MEAK7: variants seen among roughly 807,000 people sequenced by gnomAD.
The protein encoded by MEAK7 is MTOR-associated protein MEAK7.
A neutral mutation model predicts 40.5 loss-of-function variants in MEAK7; 68 were observed. The ratio of observed to expected loss-of-function variants is 1.68; its 90% CI spans 1.38 to 2.06. The LOEUF (loss-of-function observed/expected upper bound fraction) is 2.06. Among genes scored for constraint, MEAK7 ranks in the 30% most tolerant of loss-of-function variants. The pLI, the probability that MEAK7 is intolerant of heterozygous loss-of-function variation, is 0.00. For synonymous variants in MEAK7, 338 were observed against 231.9 expected (o/e 1.46, Z -4.16); for missense variants, 918 against 580.5 (o/e 1.58, Z -5.98).
intron 2 of MEAK7, among the ~76,000 whole-genome samples, 169 bp from the exon 3 acceptor site, chr16:84,496,082 G>T (rs924814546): frequency 6.6e-6 from 1 of 152,150 alleles, no homozygotes; most frequent in African/African-American, 2.4e-5. Flanking sequence ...TTAGAGCCAG[G>T]CCGGAAACTT....
chr16:84,487,091 G>T (rs747591895), intron 4 of MEAK7, 32 bp from the exon 5 acceptor site: 2 of 1,577,766 alleles, frequency 1.3e-6, no homozygotes, highest in Non-Finnish European at 1.7e-6. Flanking sequence ...CATTAGTGGG[G>T]CTGTTATGTC....
Position 84,486,763 on chromosome 16 carries a change from C to T in MEAK7, c.826G>A (p.Gly276Arg), listed in dbSNP as rs771345170. The change falls in exon 5 of 8, where the codon GGA (glycine) becomes AGA (arginine). Residue 276 changes from glycine to arginine, a missense_variant. Transcript: ENST00000343629. Reference protein sequence around the residue: ...WCLLFSSELHGHSFSQLCGHI... With the variant: ...WCLLFSSELHRHSFSQLCGHI... ...CCACAGAGCTGGGAGAAGCTGTGTC[C>T]ATGGAGCTCAGACGAAAAGAGCAGG... 1.2e-6 allele frequency: 2 copies of T among 1,613,896 alleles called. No homozygotes were observed. Among genetic ancestry groups the T allele is most frequent in the African/African-American group, 2.7e-5 (2 of 74,910 alleles).
rs142173190 is a variant in MEAK7 at position 84,498,210 on chromosome 16, T to C, written c.-25-99A>G. ...ATGGTCAAGTTAATATATACTGATA[T>C]AGCCACAAAATGTAGCTAAAACACA... is the stretch of plus-strand genomic sequence containing the variant. On this transcript the variant is annotated intron_variant, in intron 1 of 7. Transcript: ENST00000343629. 780 of 1,378,338 alleles carry C rather than the reference T, an allele frequency of 5.7e-4. 5 individuals are homozygous for C. The African/African-American group carries it at 9.3e-3, about 17-fold the overall frequency. 85.4% of individuals were successfully genotyped at this position (1,378,338 alleles called of 1,614,324 possible).
At chr16:84,491,931 G>C (rs9939156) in intron 3 of MEAK7, among the ~76,000 whole-genome samples, 4,504 of 151,984 alleles carry the variant, frequency 0.03, 261 homozygotes, top group African/African-American at 0.1. Flanking sequence ...TGTTTTTAAA[G>C]TCCTTTTGCT....
intron 5 of MEAK7, among the ~76,000 whole-genome samples, chr16:84,485,750 T>G (rs912435870): frequency 6.6e-6 from 1 of 152,224 alleles, no homozygotes; most frequent in African/African-American, 2.4e-5. Context: ...TGGTATGATC[T>G]CGGCTCACTG....
chr16:84,488,397 C>A (rs1302603331), intron 4 of MEAK7: 1 of 151,342 alleles, frequency 6.6e-6, no homozygotes, highest in East Asian at 1.9e-4. Flanking sequence ...TAAAGTAAGT[C>A]TGCTTTGCAA....
Position 84,482,702 on chromosome 16 carries a change from T to C in MEAK7, c.967A>G (p.Arg323Gly). ...GGGCAGATGGAGAACAGGAAGCATC[T>C]GTTGTCCCCTGAAAGTAGCCAGAGA... The part of the protein sequence containing the change: ...EVKPQFQGDN[R>G]CFLFSICPSM... Residue 323 changes from arginine (R) to glycine (G), a missense_variant, in exon 6 of 8, where the codon AGA becomes GGA. By Grantham distance (125) the Arg-to-Gly change is moderately radical. Transcript: ENST00000343629. 2 of 1,614,164 alleles carry C rather than the reference T, an allele frequency of 1.2e-6. No homozygotes were observed. The highest frequency in any genetic ancestry group is 1.7e-6 in the Non-Finnish European group (2 of 1,180,006).
At chr16:84,497,622 A>G in intron 2 of MEAK7, 1 of 1,359,204 alleles carries the variant, frequency 7.4e-7, no homozygotes, top group Non-Finnish European at 9.7e-7. Context: ...CGTGTGAATC[A>G]TTCATTATCT....
rs58731617 is a variant in MEAK7 at position 84,497,891 on chromosome 16, C to G, written c.153+43G>C. On this transcript the variant is annotated intron_variant, in intron 2 of 7. Coordinates refer to ENST00000343629, the MANE Select transcript of MEAK7 (RefSeq NM_020947.4). ...GGCCTGAAAGCCACAGTTTGCAGAC[C>G]CCTGCTCCCAACTAAACATGAACCA... The G allele has an allele frequency of 3.1e-3, 5,019 of 1,612,780 alleles. 100 individuals carry two copies. In the African/African-American group the frequency reaches 0.046, roughly 15 times the overall value.
chr16:84,487,414 C>G (rs189374723), intron 4 of MEAK7: 32 of 206,354 alleles, frequency 1.6e-4, no homozygotes, highest in African/African-American at 7.4e-4. Flanking sequence ...TTGGCCAGCA[C>G]TGATCTAAAC....
rs1912121620 is a variant in MEAK7, at chr16:84,476,593, C to A, written c.*3320G>T. 6.6e-6 allele frequency: 1 copy of A among 152,142 alleles called. No individual in the cohort carries two copies. The highest frequency in any genetic ancestry group is 1.5e-5 in the Non-Finnish European group (1 of 68,042). 9.4% of individuals were successfully genotyped at this position (152,142 alleles called of 1,614,324 possible). Reference sequence around the variant, plus strand: ...ATGATTAGCTGCAAACAAAATGTTCCCCAGCTGCAGACGGTGGAACGCTAG... The same window carrying A: ...ATGATTAGCTGCAAACAAAATGTTCACCAGCTGCAGACGGTGGAACGCTAG... On this transcript the variant is annotated 3_prime_UTR_variant, in exon 8 of 8. Transcript: ENST00000343629.
At chr16:84,481,670 A>C (rs532644939) in intron 6 of MEAK7, among the ~76,000 whole-genome samples, 21 of 152,314 alleles carry the variant, frequency 1.4e-4, no homozygotes, top group East Asian at 5.8e-4. Flanking sequence ...GCAGTGGCTC[A>C]CGCCTGTAAT....
chr16:84,501,862 G>A (rs1914532012), intron 1 of MEAK7, among the ~76,000 whole-genome samples: 1 of 152,174 alleles, frequency 6.6e-6, no homozygotes, highest in Admixed American at 6.5e-5. Flanking sequence ...ATAAAGAAAT[G>A]GCAATGGTGT....
chr16:84,486,883 C>T lies in MEAK7; in HGVS notation c.706G>A (p.Val236Met), dbSNP rs539729125. 10 of 1,614,212 alleles carry T rather than the reference C, an allele frequency of 6.2e-6. No individual in the cohort carries two copies. In the South Asian group the frequency reaches 8.8e-5, roughly 14 times the overall value. The change falls in exon 5 of 8, where the codon GTG becomes ATG. Residue 236 changes from valine to methionine, a missense_variant. Coordinates refer to ENST00000343629, the MANE Select transcript of MEAK7 (RefSeq NM_020947.4). ...DLTTLVPERQ[V>M]DQGRGFESIL... Reference sequence around the variant, plus strand: ...CTCTCAAAACCCCTGCCCTGGTCCACTTGACGCTCAGGGACCAGGGTAGTC... The same window carrying T: ...CTCTCAAAACCCCTGCCCTGGTCCATTTGACGCTCAGGGACCAGGGTAGTC...
chr16:84,495,465 T>A, intron 3 of MEAK7: 1 of 567,508 alleles, frequency 1.8e-6, no homozygotes, highest in Non-Finnish European at 3.1e-6. Context: ...CTTTTCCGCT[T>A]TAAGTCCTGA....
chr16:84,485,639 T>TATCTATCC (rs71151220), intron 5 of MEAK7, among the ~76,000 whole-genome samples: 60,716 of 149,308 alleles, frequency 0.41, 12,734 homozygotes, highest in South Asian at 0.57. Flanking sequence ...ACTATCTATC[T>TATCTATCC]ATCCATCCAT....
At chr16:84,482,495 C>A (rs1282847596) in intron 6 of MEAK7, 97 bp downstream of exon 6, 2 of 1,582,954 alleles carry the variant, frequency 1.3e-6, no homozygotes, top group African/African-American at 1.3e-5. Context: ...CTGAATGCCA[C>A]GCGCCCTGCC....
At chr16:84,502,100 T>C (rs1386449926) in intron 1 of MEAK7, among the ~76,000 whole-genome samples, 1 of 151,500 alleles carries the variant, frequency 6.6e-6, no homozygotes, top group African/African-American at 2.4e-5. Context: ...GCCAAGATCA[T>C]GCCATTGCAC....
At chr16:84,489,446 T>A in intron 3 of MEAK7, 24 bp from the exon 4 acceptor site, 1 of 1,589,968 alleles carries the variant, frequency 6.3e-7, no homozygotes, top group Non-Finnish European at 8.6e-7. Flanking sequence ...ATTTTACCAT[T>A]AAAAACAGTT....
Sources: allele counts gnomAD v4.1 joint callset (sites outside exome capture counted in the v4.1 genomes callset), GRCh38; gene constraint gnomAD v4.1.1; transcripts MANE v1.5; gene names NCBI Gene and HGNC (gene_info 2026-07-23, HGNC 2026-07-21).